BIRC6: variants seen among roughly 807,000 people sequenced by gnomAD.
The protein encoded by BIRC6 is dual E2 ubiquitin-conjugating enzyme/E3 ubiquitin-protein ligase BIRC6.
A neutral mutation model predicts 503.3 loss-of-function variants in BIRC6; 98 were observed. The ratio of observed to expected loss-of-function variants is 0.19; its 90% confidence interval spans 0.17 to 0.23. The LOEUF is 0.23. BIRC6 is among the 10% of genes least tolerant of loss of function. The pLI is 1.00. For synonymous variants in BIRC6, 2,240 were observed against 2,078.7 expected (o/e 1.08, Z -2.11); for missense variants, 5,360 against 5,806.0 (o/e 0.92, Z 2.50).
At chr2:32,542,028 G>T (rs922608959) in intron 61 of BIRC6, among the ~76,000 whole-genome samples, 4 of 151,950 alleles carry the variant, frequency 2.6e-5, no homozygotes, top group African/African-American at 9.7e-5. Context: ...TTGTAGTCTT[G>T]CATATGTAAC....
At chr2:32,571,378 C>T (rs1284770725) in intron 65 of BIRC6, among the ~76,000 whole-genome samples, 603 of 20,216 alleles carry the variant, frequency 0.03, no homozygotes, top group Middle Eastern at 0.14. Flanking sequence ...TGGTCCTGGG[C>T]TTTTTTTTTT....
intron 37 of BIRC6, 120 bp from the exon 38 acceptor site, chr2:32,481,199 GT>G (rs533082288): frequency 0.012 from 7,949 of 675,356 alleles, 4 homozygotes; most frequent in South Asian, 0.021. Flanking sequence ...CATACATAGA[GT>G]TTTTTTTTTT....
At position 32,415,631 on chromosome 2, in the gene BIRC6, G is replaced by A. The variant is rs1413816209; in HGVS notation, c.2340G>A (p.Arg780=). The change falls in exon 10 of 74, where the codon CGG becomes CGA. Residue 780 remains arginine (R), a synonymous_variant. Transcript: ENST00000421745. ...NKLNSALCNR[R]KGELESNLAV... ...TAAACTCTGCACTATGTAATAGACGGAAAGGTGAGCTGGAATCAAATCTTG... is the reference window on the plus strand; with the variant it reads ...TAAACTCTGCACTATGTAATAGACGAAAAGGTGAGCTGGAATCAAATCTTG... 1 of 1,613,974 alleles carries A rather than the reference G, an allele frequency of 6.2e-7. No individual in the cohort carries two copies. The highest frequency in any genetic ancestry group is 1.3e-5 in the African/African-American group (1 of 75,050).
At position 32,478,671 on chromosome 2, in the gene BIRC6, A is replaced by G. The variant is rs369235150; in HGVS notation, c.7105A>G (p.Ile2369Val). The change falls in exon 36 of 74, where the codon ATT (isoleucine) becomes GTT (valine). Residue 2369 changes from isoleucine (I) to valine (V), a missense_variant. Coordinates refer to ENST00000421745, the MANE Select transcript of BIRC6 (RefSeq NM_016252.4). ...ARIANATRPT[I>V]HLCEIVNEPQ... ...CATTGCAAATGCCACGAGGCCAACT[A>G]TTCATCTGTGTGAGATTGTGAACGA... The G allele has an allele frequency of 1.4e-5, 23 of 1,613,658 alleles. No homozygotes were observed. In the Admixed American group the frequency reaches 1.7e-4, roughly 12 times the overall value.
Position 32,467,675 on chromosome 2 carries a change from A to T in BIRC6, c.5507A>T (p.Asp1836Val), listed in dbSNP as rs1482408393. 6.2e-7 allele frequency: 1 copy of T among 1,613,912 alleles called. No homozygotes were observed. Among genetic ancestry groups the T allele is most frequent in the South Asian group, 1.1e-5 (1 of 91,074 alleles). Reference sequence around the variant, plus strand: ...GGAAGGCGGTTGGTAGTGGCAACTGATATAAGCACTCATTCACTAATTCTT... The same window carrying T: ...GGAAGGCGGTTGGTAGTGGCAACTGTTATAAGCACTCATTCACTAATTCTT... ...VDGRRLVVAT[D>V]ISTHSLILHD... is the part of the protein sequence containing the mutation. Residue 1836 changes from aspartate (D) to valine (V), a missense_variant, in exon 27 of 74, where the codon GAT (aspartate) becomes GTT (valine). Transcript: ENST00000421745.
intron 67 of BIRC6, 76 bp from the exon 68 acceptor site, chr2:32,594,958 A>T: frequency 1.1e-6 from 1 of 940,728 alleles, no homozygotes; most frequent in Non-Finnish European, 1.5e-6. Flanking sequence ...TCTAGAGGTG[A>T]ATTCTTTTTA....
intron 1 of BIRC6, among the ~76,000 whole-genome samples, chr2:32,368,882 C>T (rs1477770120): frequency 1.3e-5 from 2 of 152,134 alleles, no homozygotes. Flanking sequence ...GAACACCTGA[C>T]CTCAAGTGAC....
chr2:32,547,775 C>T (rs2150359038), intron 63 of BIRC6, 75 bp from the exon 64 acceptor site: 1 of 1,287,652 alleles, frequency 7.8e-7, no homozygotes, highest in Non-Finnish European at 1.0e-6. Flanking sequence ...CATCATTTTA[C>T]TTTCCCAGTG....
intron 33 of BIRC6, among the ~76,000 whole-genome samples, chr2:32,473,741 GTGTGTGTGTATT>G (rs1407100887): frequency 1.5e-5 from 2 of 133,710 alleles, no homozygotes; most frequent in African/African-American, 5.7e-5. Context: ...GTGTGTGTGT[GTGTGTGTGTATT>G]TTTTTTTTTT....
At position 32,481,314 on chromosome 2, in the gene BIRC6, T is replaced by C. The variant is rs372681614; in HGVS notation, c.7409-6T>C. 1,136 of 1,578,214 alleles carry C rather than the reference T, an allele frequency of 7.2e-4. 1 individual carries two copies. The highest frequency in any genetic ancestry group is 1.4e-3 in the Middle Eastern group (8 of 5,890). On this transcript the variant is annotated splice_region_variant and splice_polypyrimidine_tract_variant and intron_variant, in intron 37 of 73. Transcript: ENST00000421745. ...CACCAATAAGATCACTTTTAATTAT[T>C]TGAAGGTGCACCTCCTCTGTCCTCT...
chr2:32,358,358 C>G (rs924906748), intron 1 of BIRC6, among the ~76,000 whole-genome samples: 3 of 152,124 alleles, frequency 2.0e-5, no homozygotes, highest in Admixed American at 6.5e-5. Flanking sequence ...AAACCTTGGT[C>G]CAGGGACGGG....
At chr2:32,462,497 C>G (rs1442999797) in intron 23 of BIRC6, among the ~76,000 whole-genome samples, 1 of 152,038 alleles carries the variant, frequency 6.6e-6, no homozygotes, top group Admixed American at 6.6e-5. Flanking sequence ...GTGGGATATG[C>G]CTCTCTCCAT....
intron 38 of BIRC6, among the ~76,000 whole-genome samples, 185 bp downstream of exon 38, chr2:32,481,638 C>CA (rs2149196079): frequency 6.6e-6 from 1 of 152,122 alleles, no homozygotes; most frequent in South Asian, 2.1e-4. Context: ...TGGTGGCGGG[C>CA]ACCTGTAGTC....
Position 32,443,678 on chromosome 2 carries a change from C to G in BIRC6, c.4336+90C>G, listed in dbSNP as rs1008929637. The stretch of plus-strand genomic sequence containing the variant: ...GGATTATTTCATAACTACTTTTTCT[C>G]TATTAAAGTTCACTTTTCTGTGGCT... On this transcript the variant is annotated intron_variant, in intron 20 of 73. Coordinates refer to ENST00000421745, the MANE Select transcript of BIRC6 (RefSeq NM_016252.4). 11 of 1,024,146 alleles carry G rather than the reference C, an allele frequency of 1.1e-5. No individual in the cohort carries two copies. In the African/African-American group the frequency reaches 1.2e-4, roughly 11 times the overall value. 63.4% of individuals were successfully genotyped at this position (1,024,146 alleles called of 1,614,324 possible). A position where few individuals can be genotyped will look rare whatever the true frequency, so the allele number is the denominator to read the frequency against.
chr2:32,370,244 C>G (rs1253764601), intron 1 of BIRC6, among the ~76,000 whole-genome samples: 1 of 151,814 alleles, frequency 6.6e-6, no homozygotes, highest in East Asian at 1.9e-4. Flanking sequence ...ATTGAGCCCT[C>G]TCCATGATAA....
At position 32,499,758 on chromosome 2, in the gene BIRC6, G is replaced by T; in HGVS notation, c.8680G>T (p.Gly2894Trp). Residue 2894 changes from glycine to tryptophan, a missense_variant, in exon 46 of 74, where the codon GGG becomes TGG. By Grantham distance (184) the Gly-to-Trp change is radical. Coordinates refer to ENST00000421745, the MANE Select transcript of BIRC6 (RefSeq NM_016252.4). ...DSSVGARACF[G>W]GLFANLIRPG... ...CTCCGTGGGTGCTCGAGCATGCTTT[G>T]GGGGACTCTTTGCCAATCTTATTCG... 6.2e-7 allele frequency: 1 copy of T among 1,613,970 alleles called. No homozygotes were observed.
intron 9 of BIRC6, among the ~76,000 whole-genome samples, chr2:32,410,267 C>T (rs1019250265): frequency 6.6e-6 from 1 of 152,008 alleles, no homozygotes; most frequent in African/African-American, 2.4e-5. Context: ...CGCCACTGCA[C>T]TCCAGCCTGG....
At chr2:32,511,201 C>CTTTT in intron 53 of BIRC6, among the ~76,000 whole-genome samples, 1,318 of 47,928 alleles carry the variant, frequency 0.027, no homozygotes, top group East Asian at 0.052. Flanking sequence ...CTTTTCTTTT[C>CTTTT]TTTTTTTTTT....
chr2:32,597,254 G>C (rs1454013691), intron 68 of BIRC6, among the ~76,000 whole-genome samples: 1 of 152,118 alleles, frequency 6.6e-6, no homozygotes, highest in Non-Finnish European at 1.5e-5. Context: ...AATATCATAT[G>C]CAACATCTCA....
Sources: gnomAD v4.1 joint callset for allele counts (sites outside exome capture counted in the v4.1 genomes callset) on GRCh38, gnomAD v4.1.1 for gene constraint, MANE v1.5 for transcripts, NCBI Gene and HGNC (gene_info 2026-07-23, HGNC 2026-07-21) for gene names.